Variants in PLAGL1 observed in about 807,000 individuals in gnomAD.
The protein encoded by PLAGL1 is zinc finger protein PLAGL1.
Under a neutral mutation model 4.6 loss-of-function variants are expected in PLAGL1, and 1 was observed. The observed-to-expected ratio is 0.22, with a 90% CI of 0.08 to 1.03. The LOEUF (loss-of-function observed/expected upper bound fraction) is 1.03, where lower values mean the gene tolerates loss of function less well. Ranked by LOEUF, PLAGL1 falls within the 50% of genes least tolerant of loss-of-function variation. The pLI is 0.58. For missense variants in PLAGL1, 464 were observed against 570.4 expected (o/e 0.81, Z 1.90); for synonymous variants, 240 against 237.8 (o/e 1.01, Z -0.08).
chr6:144,056,400 A>G lies in PLAGL1; in HGVS notation c.-151+8068T>C, dbSNP rs376810791. ...GACGTTATACATTCTATGTGTTTGG[A>G]CAAATTTATAACAGCATATATCTAC... is the stretch of plus-strand genomic sequence containing the variant. On this transcript the variant is annotated intron_variant, in intron 1 of 3. Transcript: ENST00000437412. This position sits in a 1 kb window ranked among gnomAD's most constrained non-coding sequence, Gnocchi z 4.7. 1.3e-5 allele frequency among the ~76,000 whole-genome samples: 2 copies of G among 152,204 alleles called. No individual in the cohort carries two copies. The highest frequency in any genetic ancestry group is 1.9e-4 in the East Asian group (1 of 5,198).
Position 143,950,535 on chromosome 6 carries a change from G to A in PLAGL1, c.-324-2075C>T, listed in dbSNP as rs1003388216. On this transcript the variant is annotated intron_variant, in intron 6 of 7. Coordinates refer to ENST00000674357, the MANE Select transcript of PLAGL1 (RefSeq NM_001317162.2). The surrounding 1 kb of genome is among the most constrained non-coding windows in gnomAD (Gnocchi z 6.3). ...ACACTCATTCACTTAGAATTGCTCT[G>A]TGTTCTTTCTAGGTTTATTAAAAAA... is the stretch of plus-strand genomic sequence containing the variant. Among the ~76,000 whole-genome samples, 3 of 152,154 alleles carry A rather than the reference G, an allele frequency of 2.0e-5. No homozygotes were observed. Among genetic ancestry groups the A allele is most frequent in the African/African-American group, 7.2e-5 (3 of 41,434 alleles).
chr6:144,031,539 T>C (rs946687474), intron 1 of PLAGL1, among the ~76,000 whole-genome samples: 2 of 152,210 alleles, frequency 1.3e-5, no homozygotes, highest in Admixed American at 6.5e-5. Context: ...AGAAGAGAGA[T>C]GAGGATCCAA....
Position 143,941,739 on chromosome 6 carries a change from T to A in PLAGL1, c.1077A>T (p.Val359=). 6.2e-7 allele frequency: 1 copy of A among 1,614,252 alleles called. No individual in the cohort carries two copies. Among genetic ancestry groups the A allele is most frequent in the Non-Finnish European group, 8.5e-7 (1 of 1,180,038 alleles). Residue 359 remains valine (V), a synonymous_variant, in exon 8 of 8, where the codon GTA becomes GTT. Transcript: ENST00000674357. The surrounding 1 kb of genome is among the most constrained non-coding windows in gnomAD (Gnocchi z 6.0). ...CTGCAGGCAGCTCCTTGGGCAGGTTTACTTTACCAGCATTTCCCTTAGCCA... is the reference window on the plus strand; with the variant it reads ...CTGCAGGCAGCTCCTTGGGCAGGTTAACTTTACCAGCATTTCCCTTAGCCA... ...FDLAKGNAGK[V]NLPKELPADA... is the part of the protein sequence containing the mutation.
chr6:143,976,663 T>C (rs1786615892), intron 2 of PLAGL1, among the ~76,000 whole-genome samples: 1 of 152,222 alleles, frequency 6.6e-6, no homozygotes, highest in Non-Finnish European at 1.5e-5. Context: ...TCTAAAGGAA[T>C]ATGTCTTGCT....
rs1778767077 is a variant in PLAGL1, at chr6:143,942,150, CAGA to C, written c.663_665del (p.Leu222del). The C allele has an allele frequency of 1.9e-6, 3 of 1,614,180 alleles. No homozygotes were observed. The South Asian group carries it at 3.3e-5, about 18-fold the overall frequency. On this transcript the variant is annotated inframe_deletion, in exon 8 of 8. Coordinates refer to ENST00000674357, the MANE Select transcript of PLAGL1 (RefSeq NM_001317162.2). This position sits in a 1 kb window ranked among gnomAD's most constrained non-coding sequence, Gnocchi z 7.6. ...AAGGCGAGATGGTGTGGAAGGTGCT[CAGA>C]AGGTCTCCGGTCTGCAAGCTCTCTT...
chr6:143,999,135 A>G (rs1792295098), intron 1 of PLAGL1, among the ~76,000 whole-genome samples: 1 of 152,178 alleles, frequency 6.6e-6, no homozygotes. Flanking sequence ...AGCAGGAAGG[A>G]AAGATATTAG....
intron 1 of PLAGL1, among the ~76,000 whole-genome samples, chr6:144,046,496 G>C (rs1033135162): frequency 6.6e-6 from 1 of 152,188 alleles, no homozygotes; most frequent in African/African-American, 2.4e-5. Flanking sequence ...GACCCTGTTT[G>C]CCTGGGTGTC....
Position 144,013,843 on chromosome 6 carries a change from A to G in PLAGL1, c.-150-44865T>C, listed in dbSNP as rs1392354318. ...CTGAAGGTGGTCTCCTCATTTCAAG[A>G]TCCGTAACTTAAGTCACATCTGCAA... On this transcript the variant is annotated intron_variant, in intron 1 of 3. Transcript: ENST00000437412. The surrounding 1 kb of genome is among the most constrained non-coding windows in gnomAD (Gnocchi z 4.4). 2.0e-5 allele frequency among the ~76,000 whole-genome samples: 3 copies of G among 152,160 alleles called. No individual in the cohort carries two copies. The highest frequency in any genetic ancestry group is 1.5e-5 in the Non-Finnish European group (1 of 68,018).
In PLAGL1 at chr6:144,061,772, T is replaced by G. The variant is rs1381744023; in HGVS notation, c.-151+2696A>C. ...CCTCCCACCATCAATTTTATCAAGT[T>G]CCTTCCTCCTCCCAATCTCCCTCTT... On this transcript the variant is annotated intron_variant, in intron 1 of 3. Coordinates refer to the PLAGL1 transcript ENST00000437412. The surrounding 1 kb of genome is among the most constrained non-coding windows in gnomAD (Gnocchi z 4.4). Among the ~76,000 whole-genome samples, 1 of 152,196 alleles carries G rather than the reference T, an allele frequency of 6.6e-6. No homozygotes were observed. The highest frequency in any genetic ancestry group is 1.5e-5 in the Non-Finnish European group (1 of 68,038).
At chr6:144,008,535 C>T (rs77574073), upstream of PLAGL1, 10,763 of 152,262 alleles carry the variant, frequency 0.071, 381 homozygotes, top group Middle Eastern at 0.12. The surrounding 1 kb of genome is among the most constrained non-coding windows in gnomAD (Gnocchi z 6.9). Context: ...GGCACCCACA[C>T]GTCCTGCGGG....
chr6:144,034,106 T>G lies in PLAGL1; in HGVS notation c.-151+30362A>C, dbSNP rs902980058. ...TCAATTTTCCTGGAGTCTTTTATAC[T>G]GTTAATTACATCTCCATGCAGGGCT... is the stretch of plus-strand genomic sequence containing the variant. On this transcript the variant is annotated intron_variant, in intron 1 of 3. Coordinates refer to the PLAGL1 transcript ENST00000437412. The surrounding 1 kb of genome is among the most constrained non-coding windows in gnomAD (Gnocchi z 4.7). Among the ~76,000 whole-genome samples, 3 of 152,254 alleles carry G rather than the reference T, an allele frequency of 2.0e-5. No homozygotes were observed. Among genetic ancestry groups the G allele is most frequent in the Non-Finnish European group, 2.9e-5 (2 of 68,042 alleles).
rs1441894448 is a variant in PLAGL1, at chr6:143,960,156, AG to A, written c.-325+312del. Among the ~76,000 whole-genome samples the A allele has an allele frequency of 1.3e-5, 2 of 152,188 alleles. No homozygotes were observed. The highest frequency in any genetic ancestry group is 4.8e-5 in the African/African-American group (2 of 41,440). On this transcript the variant is annotated intron_variant, in intron 6 of 7. Transcript: ENST00000674357. The surrounding 1 kb of genome is among the most constrained non-coding windows in gnomAD (Gnocchi z 5.7). ...GGCAGCTTTCTTCTTTTGAACTGAC[AG>A]GGTTGTCAGCAGAAAATTCCATAGA... is the stretch of plus-strand genomic sequence containing the variant.
At chr6:144,012,089 A>G (rs1326456503), upstream of PLAGL1, among the ~76,000 whole-genome samples, 2 of 152,208 alleles carry the variant, frequency 1.3e-5, no homozygotes, top group Non-Finnish European at 2.9e-5. This position sits in a 1 kb window ranked among gnomAD's most constrained non-coding sequence, Gnocchi z 4.8. Flanking sequence ...GCACGCCTCC[A>G]TAGAATCTTC....
At chr6:144,021,127 C>A (rs1002663389) in intron 1 of PLAGL1, among the ~76,000 whole-genome samples, 1 of 151,916 alleles carries the variant, frequency 6.6e-6, no homozygotes, top group Non-Finnish European at 1.5e-5. Context: ...GACATGACAA[C>A]TGGGCATAAT....
chr6:144,039,179 AAAATGGGC>A lies in PLAGL1; in HGVS notation c.-151+25281_-151+25288del, dbSNP rs140610562. On this transcript the variant is annotated intron_variant, in intron 1 of 3. Coordinates refer to the PLAGL1 transcript ENST00000437412. This position sits in a 1 kb window ranked among gnomAD's most constrained non-coding sequence, Gnocchi z 4.1. ...AATAAGGAAGAGACAATCCAAAAGA[AAAATGGGC>A]AAGGCATATAAACAGGTGTTTTACT... Among the ~76,000 whole-genome samples, 6,906 of 152,322 alleles carry A rather than the reference AAAATGGGC, an allele frequency of 0.045. 222 individuals carry two copies. The highest frequency in any genetic ancestry group is 0.069 in the Non-Finnish European group (4,671 of 68,026).
At chr6:143,969,677 G>A (rs922560149) in intron 2 of PLAGL1, among the ~76,000 whole-genome samples, 2 of 151,484 alleles carry the variant, frequency 1.3e-5, no homozygotes, top group Non-Finnish European at 2.9e-5. Context: ...CGTCAACTAA[G>A]AAGAACACTA....
intron 1 of PLAGL1, among the ~76,000 whole-genome samples, chr6:144,040,451 C>A (rs1023092533): frequency 2.0e-5 from 3 of 152,080 alleles, no homozygotes; most frequent in Admixed American, 2.0e-4. Context: ...ATCATTTGAA[C>A]CTGAGAGGCA....
chr6:144,012,265 A>G (rs542836725), upstream of PLAGL1, among the ~76,000 whole-genome samples: 1 of 152,036 alleles, frequency 6.6e-6, no homozygotes, highest in Non-Finnish European at 1.5e-5. The surrounding 1 kb of genome is among the most constrained non-coding windows in gnomAD (Gnocchi z 4.8). Context: ...CCCAAGCTGG[A>G]GTACAGTGGC....
chr6:143,983,225 T>C lies in PLAGL1; in HGVS notation c.-544+1910A>G, dbSNP rs1180034956. Among the ~76,000 whole-genome samples, 1 of 152,108 alleles carries C rather than the reference T, an allele frequency of 6.6e-6. No homozygotes were observed. The highest frequency in any genetic ancestry group is 6.6e-5 in the Admixed American group (1 of 15,264). On this transcript the variant is annotated intron_variant, in intron 2 of 7. Transcript: ENST00000674357. This position sits in a 1 kb window ranked among gnomAD's most constrained non-coding sequence, Gnocchi z 6.6. Reference sequence around the variant, plus strand: ...CAGTGGGGTCAGTGCTTCTGACAGGTCAAGGAAGATACAGACTGAGAATTA... The same window carrying C: ...CAGTGGGGTCAGTGCTTCTGACAGGCCAAGGAAGATACAGACTGAGAATTA...
Sources: allele counts gnomAD v4.1 joint callset (sites outside exome capture counted in the v4.1 genomes callset), GRCh38; gene constraint gnomAD v4.1.1; non-coding constraint Gnocchi (gnomAD v3.1); transcripts MANE v1.5; gene names NCBI Gene and HGNC (gene_info 2026-07-23, HGNC 2026-07-21).